Variants in SNRNP70 observed in about 807,000 individuals in gnomAD.
SNRNP70 encodes U1 small nuclear ribonucleoprotein 70 kDa.
A neutral mutation model predicts 50.5 loss-of-function variants in SNRNP70; 8 were observed. The ratio of observed to expected loss-of-function variants is 0.16; its 90% CI spans 0.09 to 0.29. The LOEUF (loss-of-function observed/expected upper bound fraction) is 0.29, where lower values mean the gene tolerates loss of function less well. Among genes scored for constraint, SNRNP70 ranks in the 10% least tolerant of loss-of-function variants. The probability of loss-of-function intolerance (pLI) is 1.00; values close to 1 mark genes in which losing one functional copy is unlikely to be tolerated. For synonymous variants in SNRNP70, 320 were observed against 252.9 expected (o/e 1.27, Z -2.52); for missense variants, 529 against 663.5 (o/e 0.80, Z 2.23).
At position 49,107,305 on chromosome 19, in the gene SNRNP70, C is replaced by G. The variant is rs111370375; in HGVS notation, c.578-320C>G. Among the ~76,000 whole-genome samples the G allele has an allele frequency of 6.3e-3, 960 of 152,304 alleles. 10 individuals carry two copies. The highest frequency in any genetic ancestry group is 0.022 in the African/African-American group (913 of 41,556). ...TGGAAAGATCATTGGCTTCGGGTTTCTGTGAGGGCGAGGATGATTGGAAGG... is the reference window on the plus strand; with the variant it reads ...TGGAAAGATCATTGGCTTCGGGTTTGTGTGAGGGCGAGGATGATTGGAAGG... On this transcript the variant is annotated intron_variant, in intron 8 of 9. Transcript: ENST00000598441. The surrounding 1 kb of genome is among the most constrained non-coding windows in gnomAD (Gnocchi z 6.0).
At chr19:49,093,693 C>CA (rs376626601) in intron 4 of SNRNP70, among the ~76,000 whole-genome samples, 15,704 of 123,008 alleles carry the variant, frequency 0.13, 1,318 homozygotes, top group East Asian at 0.21. Flanking sequence ...AAAAAAAAAA[C>CA]AAAAAAAAAA....
chr19:49,094,602 A>G (rs944500597), intron 4 of SNRNP70, among the ~76,000 whole-genome samples: 1 of 152,192 alleles, frequency 6.6e-6, no homozygotes, highest in African/African-American at 2.4e-5. Context: ...CTCTGCCTCC[A>G]TTAAATGCTT....
At chr19:49,101,839 T>C (rs2040591959) in intron 7 of SNRNP70, among the ~76,000 whole-genome samples, 1 of 151,482 alleles carries the variant, frequency 6.6e-6, no homozygotes, top group African/African-American at 2.4e-5. Context: ...CAGGTTGCAA[T>C]GAGGACTGGC....
chr19:49,102,014 GCGGCGTCCA>G, intron 7 of SNRNP70: 1 of 520,398 alleles, frequency 1.9e-6, no homozygotes, highest in Non-Finnish European at 3.4e-6. Context: ...TGAGGCTGCC[GCGGCGTCCA>G]CATGGGCAGG....
At chr19:49,100,721 G>A (rs527526555) in intron 6 of SNRNP70, among the ~76,000 whole-genome samples, 1 of 150,506 alleles carries the variant, frequency 6.6e-6, no homozygotes, top group South Asian at 2.1e-4. Context: ...CAGGAGAATC[G>A]CTTGAACCCG....
At position 49,107,157 on chromosome 19, in the gene SNRNP70, A is replaced by G. The variant is rs573767632; in HGVS notation, c.578-468A>G. On this transcript the variant is annotated intron_variant, in intron 8 of 9. Coordinates refer to ENST00000598441, the MANE Select transcript of SNRNP70 (RefSeq NM_003089.6). This position sits in a 1 kb window ranked among gnomAD's most constrained non-coding sequence, Gnocchi z 6.0. Reference sequence around the variant, plus strand: ...TGGGAAAGGCCTGGGACACGCAGCCAAGAGCCGCGGCTCAGACGCTAGCAG... The same window carrying G: ...TGGGAAAGGCCTGGGACACGCAGCCGAGAGCCGCGGCTCAGACGCTAGCAG... Among the ~76,000 whole-genome samples, 106 of 152,324 alleles carry G rather than the reference A, an allele frequency of 7.0e-4. 2 individuals are homozygous for G. In the South Asian group the frequency reaches 0.022, roughly 32 times the overall value.
Position 49,101,643 on chromosome 19 carries a change from T to A in SNRNP70, c.475+172T>A, listed in dbSNP as rs1600286332. On this transcript the variant is annotated intron_variant, in intron 7 of 9. Transcript: ENST00000598441. ...TTTTTTTTTTTATATACGTGTTTTT[T>A]AAAAAACAAAAACCAAATCCCCCAC... The A allele has an allele frequency of 5.0e-6, 3 of 603,852 alleles. No homozygotes were observed. The East Asian group carries it at 8.3e-5, about 17-fold the overall frequency. The allele number at this position is 603,852 out of a possible 1,614,324, so 37.4% of individuals were successfully genotyped here.
chr19:49,095,880 C>T (rs1325044608), intron 4 of SNRNP70, among the ~76,000 whole-genome samples: 5 of 149,662 alleles, frequency 3.3e-5, no homozygotes. Context: ...CATTTCCAGG[C>T]ACATAGTAGA....
chr19:49,094,753 C>G (rs1181199319), intron 4 of SNRNP70, among the ~76,000 whole-genome samples: 1 of 152,224 alleles, frequency 6.6e-6, no homozygotes, highest in Non-Finnish European at 1.5e-5. Flanking sequence ...GGGACGGTGC[C>G]TCCTTGCTGA....
intron 4 of SNRNP70, among the ~76,000 whole-genome samples, chr19:49,097,477 C>T (rs780059735): frequency 1.5e-4 from 23 of 152,148 alleles, no homozygotes; most frequent in Non-Finnish European, 2.8e-4. Flanking sequence ...GGGTCATCAC[C>T]AGGGTCTGAT....
In SNRNP70 at chr19:49,107,567, GCTC is replaced by G; in HGVS notation, c.578-53_578-51del. 1 of 1,539,514 alleles carries G rather than the reference GCTC, an allele frequency of 6.5e-7. No homozygotes were observed. Among genetic ancestry groups the G allele is most frequent in the Non-Finnish European group, 9.0e-7 (1 of 1,113,978 alleles). Reference sequence around the variant, plus strand: ...TTGCTCTTGGAGTCGGCTCATTTCTGCTCCTCCGGGCCCTGTCCCTGCCCAGAT... The same window carrying G: ...TTGCTCTTGGAGTCGGCTCATTTCTGCTCCGGGCCCTGTCCCTGCCCAGAT... On this transcript the variant is annotated intron_variant, in intron 8 of 9. Transcript: ENST00000598441. This position sits in a 1 kb window ranked among gnomAD's most constrained non-coding sequence, Gnocchi z 6.0.
rs1364303793 is a variant in SNRNP70, at chr19:49,085,476, G to C, written c.-171G>C. ...AGTCGCTATCGGAGGCCGCGCGGGT[G>C]GCTGAGCAGCGGCCTGGTGCGCTCG... On this transcript the variant is annotated 5_prime_UTR_variant, in exon 1 of 10. Coordinates refer to ENST00000598441, the MANE Select transcript of SNRNP70 (RefSeq NM_003089.6). 9.1e-6 allele frequency: 4 copies of C among 440,478 alleles called. No homozygotes were observed. The highest frequency in any genetic ancestry group is 1.8e-5 in the Non-Finnish European group (4 of 216,970). 27.3% of individuals were successfully genotyped at this position (440,478 alleles called of 1,614,324 possible).
Position 49,107,575 on chromosome 19 carries a change from G to A in SNRNP70, c.578-50G>A, listed in dbSNP as rs766252805. 17 of 1,571,390 alleles carry A rather than the reference G, an allele frequency of 1.1e-5. No homozygotes were observed. In the East Asian group the frequency reaches 2.7e-4, roughly 25 times the overall value. Reference sequence around the variant, plus strand: ...GGAGTCGGCTCATTTCTGCTCCTCCGGGCCCTGTCCCTGCCCAGATTCACC... The same window carrying A: ...GGAGTCGGCTCATTTCTGCTCCTCCAGGCCCTGTCCCTGCCCAGATTCACC... On this transcript the variant is annotated intron_variant, in intron 8 of 9. Coordinates refer to ENST00000598441, the MANE Select transcript of SNRNP70 (RefSeq NM_003089.6). This position sits in a 1 kb window ranked among gnomAD's most constrained non-coding sequence, Gnocchi z 6.0.
rs1600297972 is a variant in SNRNP70, at chr19:49,108,400, T to C, written c.1271T>C (p.Leu424Pro). ...GAGTCTGAGGGCGGCGACGGCTACC[T>C]GGCTCCGGAGAATGGGTATTTGATG... ...YMESEGGDGYLAPENGYLMEA... is the reference protein window; with the variant it reads ...YMESEGGDGYPAPENGYLMEA... The change falls in exon 10 of 10, where the codon CTG (leucine) becomes CCG (proline). Residue 424 changes from leucine to proline, a missense_variant. Leu to Pro is a moderately conservative substitution (Grantham distance 98). Around this residue, in one of 4 missense-constraint regions of SNRNP70, gnomAD observed 327 missense variants for 308.8 expected, o/e 1.06. Transcript: ENST00000598441. 1 of 1,610,978 alleles carries C rather than the reference T, an allele frequency of 6.2e-7. No individual in the cohort carries two copies. Among genetic ancestry groups the C allele is most frequent in the South Asian group, 1.1e-5 (1 of 90,488 alleles).
intron 4 of SNRNP70, among the ~76,000 whole-genome samples, chr19:49,095,022 C>T (rs574471650): frequency 3.3e-5 from 5 of 152,364 alleles, no homozygotes; most frequent in East Asian, 3.9e-4. Context: ...GCCGTCAGGG[C>T]GCTGCACGCA....
At chr19:49,106,895 C>T (rs2040676950) in intron 8 of SNRNP70, among the ~76,000 whole-genome samples, 1 of 152,196 alleles carries the variant, frequency 6.6e-6, no homozygotes, top group Non-Finnish European at 1.5e-5. Flanking sequence ...GTTCCGGTGC[C>T]CTGCAGTCTG....
At chr19:49,090,422 C>T (rs2040433320) in intron 3 of SNRNP70, 44 bp from the exon 4 acceptor site, 1 of 1,613,298 alleles carries the variant, frequency 6.2e-7, no homozygotes, top group East Asian at 2.2e-5. Context: ...CACTAGGGCA[C>T]TTCTATCTGC....
At chr19:49,106,174 TTAC>T (rs1201906604) in intron 8 of SNRNP70, among the ~76,000 whole-genome samples, 1 of 152,166 alleles carries the variant, frequency 6.6e-6, no homozygotes, top group Non-Finnish European at 1.5e-5. Context: ...TGTTCTTACC[TTAC>T]TCTGGTCTCT....
intron 4 of SNRNP70, among the ~76,000 whole-genome samples, chr19:49,096,020 C>T (rs972812115): frequency 1.4e-5 from 2 of 146,660 alleles, no homozygotes; most frequent in Admixed American, 6.8e-5. Flanking sequence ...GAGACCTGGC[C>T]ATAGAAAATT....
Sources: allele counts gnomAD v4.1 joint callset (sites outside exome capture counted in the v4.1 genomes callset), GRCh38; gene constraint gnomAD v4.1.1; regional missense constraint gnomAD v4.1.1; non-coding constraint Gnocchi (gnomAD v3.1); transcripts MANE v1.5; gene names NCBI Gene and HGNC (gene_info 2026-07-23, HGNC 2026-07-21).